Variants in PLEKHG1 observed in about 807,000 individuals in gnomAD.
PLEKHG1 encodes the protein pleckstrin homology domain-containing family G member 1.
A neutral mutation model predicts 100.8 loss-of-function variants in PLEKHG1; 44 were observed. That is an observed-to-expected ratio of 0.44 (90% CI 0.34 to 0.56). The LOEUF is 0.56. Ranked by LOEUF, PLEKHG1 falls within the 20% of genes least tolerant of loss-of-function variation. The pLI is 0.01. For missense variants in PLEKHG1, 1,545 were observed against 1,720.9 expected, an observed-to-expected ratio of 0.90 and a Z score of 1.81; for synonymous variants, 640 against 662.5, an observed-to-expected ratio of 0.97 and a Z score of 0.52.
At chr6:150,721,109 G>A (rs1438934718) in exon 1 of PLEKHG1, 3 of 978,680 alleles carry the variant, frequency 3.1e-6, no homozygotes, top group South Asian at 4.7e-5. Flanking sequence ...GGAAGGCGCT[G>A]CACAGACTAG....
Position 150,802,379 on chromosome 6 carries a change from G to A in PLEKHG1, c.780+1510G>A, listed in dbSNP as rs568995856. Among the ~76,000 whole-genome samples the A allele has an allele frequency of 5.3e-5, 8 of 152,236 alleles. No homozygotes were observed. The East Asian group carries it at 1.2e-3, about 22-fold the overall frequency. On this transcript the variant is annotated intron_variant, in intron 6 of 15. Coordinates refer to ENST00000358517, the Ensembl canonical transcript of PLEKHG1. ...CTCTGCTGAATTCTGTTAATATAATGTCTAAGACTGGTGTGTCCCAAAAAT... is the reference window on the plus strand; with the variant it reads ...CTCTGCTGAATTCTGTTAATATAATATCTAAGACTGGTGTGTCCCAAAAAT...
intron 3 of PLEKHG1, among the ~76,000 whole-genome samples, chr6:150,682,985 G>A (rs1207497988): frequency 6.6e-6 from 1 of 152,228 alleles, no homozygotes; most frequent in Non-Finnish European, 1.5e-5. Context: ...AGGAGGTCAA[G>A]TATTTGCTAC....
chr6:150,711,779 T>G (rs756400326), intron 3 of PLEKHG1, among the ~76,000 whole-genome samples: 6 of 152,198 alleles, frequency 3.9e-5, no homozygotes, highest in Non-Finnish European at 7.3e-5. Flanking sequence ...CAATAAATAT[T>G]AAGTAATTGA....
At chr6:150,629,043 G>T (rs966103953) in intron 1 of PLEKHG1, among the ~76,000 whole-genome samples, 6 of 152,192 alleles carry the variant, frequency 3.9e-5, no homozygotes, top group African/African-American at 1.4e-4. Flanking sequence ...GGAATAAACA[G>T]CCATGGAGCC....
chr6:150,793,524 A>C (rs897656176), intron 4 of PLEKHG1, among the ~76,000 whole-genome samples: 1 of 152,216 alleles, frequency 6.6e-6, no homozygotes, highest in Admixed American at 6.5e-5. Flanking sequence ...ATAAATAAAG[A>C]AGGAATAAAG....
At chr6:150,627,623 A>G (rs1777560772) in intron 1 of PLEKHG1, among the ~76,000 whole-genome samples, 2 of 152,214 alleles carry the variant, frequency 1.3e-5, no homozygotes, top group South Asian at 4.1e-4. Context: ...AGTATTTACT[A>G]GTCCGCAAGC....
intron 1 of PLEKHG1, among the ~76,000 whole-genome samples, chr6:150,723,428 A>T (rs1781801580): frequency 6.6e-6 from 1 of 152,154 alleles, no homozygotes; most frequent in Non-Finnish European, 1.5e-5. Context: ...TGTGCTTTAG[A>T]CAAGCAGCTT....
intron 14 of PLEKHG1, among the ~76,000 whole-genome samples, chr6:150,825,254 C>T (rs939395520): frequency 1.3e-5 from 2 of 152,064 alleles, no homozygotes; most frequent in Non-Finnish European, 2.9e-5. Context: ...ATATTAAATT[C>T]AAGGAGAGCA....
chr6:150,746,399 C>T (rs1783166315), intron 2 of PLEKHG1, among the ~76,000 whole-genome samples: 1 of 152,152 alleles, frequency 6.6e-6, no homozygotes, highest in Non-Finnish European at 1.5e-5. Context: ...CCGCTTCTTC[C>T]TCCCCTTTAC....
intron 3 of PLEKHG1, among the ~76,000 whole-genome samples, chr6:150,781,539 A>G (rs891544738): frequency 4.6e-5 from 7 of 151,984 alleles, no homozygotes; most frequent in Non-Finnish European, 1.0e-4. Context: ...AATCAGTAAG[A>G]TTAGTTTCAG....
At chr6:150,838,369 C>T (rs117674852) in intron 15 of PLEKHG1, among the ~76,000 whole-genome samples, 5,102 of 152,306 alleles carry the variant, frequency 0.033, 107 homozygotes, top group South Asian at 0.067. Flanking sequence ...CAACACAAAT[C>T]TGTAAACTTT....
chr6:150,611,506 C>T (rs1207528821), intron 1 of PLEKHG1, among the ~76,000 whole-genome samples: 6 of 152,122 alleles, frequency 3.9e-5, no homozygotes, highest in Non-Finnish European at 5.9e-5. Flanking sequence ...TTTTAGTTGC[C>T]GTGCCTATTA....
chr6:150,787,864 C>G (rs1785721209), intron 4 of PLEKHG1, among the ~76,000 whole-genome samples: 1 of 152,056 alleles, frequency 6.6e-6, no homozygotes. Flanking sequence ...TGTGTGTAAG[C>G]TTACACATAC....
chr6:150,756,906 T>A (rs937659878), intron 2 of PLEKHG1, among the ~76,000 whole-genome samples: 8 of 152,206 alleles, frequency 5.3e-5, no homozygotes. Context: ...GATGGGCAAG[T>A]GTTCCAACTT....
chr6:150,813,762 C>A (rs557634031), intron 10 of PLEKHG1, among the ~76,000 whole-genome samples: 2 of 152,180 alleles, frequency 1.3e-5, no homozygotes, highest in Admixed American at 1.3e-4. Flanking sequence ...TGATCAGGTT[C>A]TGGAGGTGGC....
At chr6:150,722,408 C>A (rs369542748) in intron 1 of PLEKHG1, among the ~76,000 whole-genome samples, 34 of 131,304 alleles carry the variant, frequency 2.6e-4, no homozygotes, top group African/African-American at 9.3e-4. Context: ...GGCTGGAGTG[C>A]AGTGGCACGA....
At chr6:150,717,941 G>T (rs1217218595), upstream of PLEKHG1, among the ~76,000 whole-genome samples, 1 of 152,120 alleles carries the variant, frequency 6.6e-6, no homozygotes, top group Non-Finnish European at 1.5e-5. Flanking sequence ...AGCTGGGTGT[G>T]GTGGTGCACA....
chr6:150,840,722 C>T (rs778596736), exon 16 of PLEKHG1: 1 of 1,614,050 alleles, frequency 6.2e-7, no homozygotes. Context: ...ATAGTCCGCG[C>T]ACTCCAAAAA....
In PLEKHG1 at chr6:150,761,370, C is replaced by T. The variant is rs140506775; in HGVS notation, c.412-7268C>T. On this transcript the variant is annotated intron_variant, in intron 2 of 15. Transcript: ENST00000358517. The stretch of plus-strand genomic sequence containing the variant: ...CCACCCAGGCTGGAGTGCAGTGGTG[C>T]GATCTCGGCTCACTACAACCTCCAC... Among the ~76,000 whole-genome samples, 285 of 152,168 alleles carry T rather than the reference C, an allele frequency of 1.9e-3. 1 individual carries two copies. In the Middle Eastern group the frequency reaches 0.024, roughly 13 times the overall value.
Sources: gnomAD v4.1 joint callset for allele counts (sites outside exome capture counted in the v4.1 genomes callset) on GRCh38, gnomAD v4.1.1 for gene constraint, MANE v1.5 for transcripts, NCBI Gene and HGNC (gene_info 2026-07-23, HGNC 2026-07-21) for gene names.